Variants in MROH9 observed in about 807,000 individuals in gnomAD.
The protein encoded by MROH9 is maestro heat-like repeat-containing protein family member 9.
A neutral mutation model predicts 98.2 loss-of-function variants in MROH9; 92 were observed. That is an observed-to-expected ratio of 0.94 (90% CI 0.79 to 1.11). The LOEUF is 1.11. Ranked by LOEUF, MROH9 falls within the 50% of genes most tolerant of loss-of-function variation. MROH9 has a pLI of 0.00. For synonymous variants in MROH9, 397 were observed against 368.9 expected, an observed-to-expected ratio of 1.08 and a Z score of -0.87; for missense variants, 1,057 against 1,014.8, an observed-to-expected ratio of 1.04 and a Z score of -0.57.
intron 7 of MROH9, among the ~76,000 whole-genome samples, chr1:170,967,812 C>T (rs1250735983): frequency 6.6e-6 from 1 of 152,048 alleles, no homozygotes; most frequent in Non-Finnish European, 1.5e-5. Flanking sequence ...GTAAGTTAAG[C>T]ATGTCAACTT....
chr1:170,945,677 T>A lies in MROH9; in HGVS notation c.25+96T>A. The A allele has an allele frequency of 5.7e-6, 6 of 1,049,042 alleles. No homozygotes were observed. The South Asian group carries it at 1.0e-4, about 18-fold the overall frequency. 65.0% of individuals were successfully genotyped at this position (1,049,042 alleles called of 1,614,324 possible). ...TGACAGAGAGAAACCTATACATCAT[T>A]CTGTAACCATGATAACAAAGAATGT... On this transcript the variant is annotated intron_variant, in intron 2 of 21. Transcript: ENST00000367759.
intron 2 of MROH9, among the ~76,000 whole-genome samples, 158 bp downstream of exon 2, chr1:170,945,739 A>G (rs1462878758): frequency 2.6e-5 from 4 of 152,118 alleles, no homozygotes; most frequent in Non-Finnish European, 5.9e-5. Context: ...CGTTCACAAA[A>G]GTAACCATAT....
chr1:170,971,821 C>T lies in MROH9; in HGVS notation c.554C>T (p.Ser185Leu), dbSNP rs762349781. 39 of 1,614,014 alleles carry T rather than the reference C, an allele frequency of 2.4e-5. No individual in the cohort carries two copies. Among genetic ancestry groups the T allele is most frequent in the South Asian group, 1.2e-4 (11 of 91,072 alleles). Reference sequence around the variant, plus strand: ...CTTTTGTGTTCCCATGAAGATCCCTCGATTGTAAAACAAGCATCATTGGGA... The same window carrying T: ...CTTTTGTGTTCCCATGAAGATCCCTTGATTGTAAAACAAGCATCATTGGGA... The part of the protein sequence containing the change: ...LSLLCSHEDP[S>L]IVKQASLGMC... The change falls in exon 8 of 22, where the codon TCG becomes TTG. Residue 185 changes from serine (S) to leucine (L), a missense_variant. Transcript: ENST00000367759.
chr1:171,053,393 A>G (rs1044951674), intron 20 of MROH9, among the ~76,000 whole-genome samples: 11 of 152,230 alleles, frequency 7.2e-5, no homozygotes, highest in African/African-American at 2.7e-4. Context: ...CAGGAAATAG[A>G]CCAGCCCTCA....
Position 170,989,851 on chromosome 1 carries a change from C to T in MROH9, c.880-4C>T. On this transcript the variant is annotated splice_region_variant and splice_polypyrimidine_tract_variant and intron_variant, in intron 10 of 21. Coordinates refer to ENST00000367759, the MANE Select transcript of MROH9 (RefSeq NM_001163629.2). Reference sequence around the variant, plus strand: ...CTTGTTTACCTGTGGAATTTCTCTTCCAGGTGTCTAAGATCGTGGATGCTA... The same window carrying T: ...CTTGTTTACCTGTGGAATTTCTCTTTCAGGTGTCTAAGATCGTGGATGCTA... 1.3e-6 allele frequency: 2 copies of T among 1,591,120 alleles called. No individual in the cohort carries two copies. Among genetic ancestry groups the T allele is most frequent in the South Asian group, 2.2e-5 (2 of 89,202 alleles).
intron 20 of MROH9, among the ~76,000 whole-genome samples, chr1:171,028,782 T>C (rs1214571619): frequency 3.3e-5 from 5 of 152,192 alleles, no homozygotes; most frequent in Admixed American, 2.6e-4. Flanking sequence ...ATTTTCTTCG[T>C]AGCGATTATG....
chr1:170,942,908 G>A (rs1014858959), intron 1 of MROH9, among the ~76,000 whole-genome samples: 8 of 152,130 alleles, frequency 5.3e-5, no homozygotes, highest in Non-Finnish European at 1.2e-4. Flanking sequence ...GGCCAATTCT[G>A]CAGTAGCTCT....
At chr1:170,961,342 A>G (rs920525472) in intron 5 of MROH9, among the ~76,000 whole-genome samples, 2 of 152,210 alleles carry the variant, frequency 1.3e-5, no homozygotes, top group South Asian at 2.1e-4. Flanking sequence ...CACCATTAGA[A>G]TAGGAAATAA....
intron 15 of MROH9, among the ~76,000 whole-genome samples, chr1:171,005,017 G>A (rs61816057): frequency 0.06 from 9,129 of 151,852 alleles, 359 homozygotes; most frequent in Non-Finnish European, 0.088. Flanking sequence ...CAAGCCATTG[G>A]AATTTTGATG....
chr1:170,961,279 G>A (rs191815530), intron 5 of MROH9, among the ~76,000 whole-genome samples: 39 of 152,238 alleles, frequency 2.6e-4, no homozygotes, highest in Non-Finnish European at 1.5e-5. Flanking sequence ...TCTATAAACA[G>A]CTAAGGCAAG....
chr1:171,014,315 T>A (rs1652258958), intron 16 of MROH9, 61 bp downstream of exon 16: 1 of 1,428,356 alleles, frequency 7.0e-7, no homozygotes, highest in African/African-American at 1.4e-5. Context: ...GATTTTGATG[T>A]CACTTAACAT....
At chr1:171,026,945 G>A (rs1046914163) in intron 20 of MROH9, among the ~76,000 whole-genome samples, 3 of 152,158 alleles carry the variant, frequency 2.0e-5, no homozygotes, top group East Asian at 3.9e-4. Flanking sequence ...AAGAAAAAAC[G>A]TATATCACCA....
chr1:170,994,692 T>C (rs1450661070), intron 12 of MROH9, among the ~76,000 whole-genome samples: 1 of 152,150 alleles, frequency 6.6e-6, no homozygotes, highest in Non-Finnish European at 1.5e-5. Flanking sequence ...ATCTTATTTA[T>C]TCTTTCTAAC....
At chr1:170,987,028 G>A (rs566584892) in intron 10 of MROH9, among the ~76,000 whole-genome samples, 295 of 149,204 alleles carry the variant, frequency 2.0e-3, no homozygotes, top group Admixed American at 3.8e-3. Context: ...TTTTTTAAAC[G>A]AATTTTTGTA....
chr1:171,022,471 C>T (rs1465098260), intron 17 of MROH9, among the ~76,000 whole-genome samples: 1 of 152,110 alleles, frequency 6.6e-6, no homozygotes, highest in Non-Finnish European at 1.5e-5. Context: ...AGCTGGAAGC[C>T]ATCATTCTCA....
chr1:170,996,109 T>C (rs1651556532), intron 13 of MROH9, among the ~76,000 whole-genome samples: 1 of 152,134 alleles, frequency 6.6e-6, no homozygotes, highest in African/African-American at 2.4e-5. Flanking sequence ...CTGTCTACTA[T>C]TTGCCCTATT....
chr1:170,998,525 C>T, intron 15 of MROH9: 1 of 1,430,250 alleles, frequency 7.0e-7, no homozygotes. Flanking sequence ...TGTACAAAAA[C>T]TAATTATTTT....
chr1:171,039,485 G>C (rs1025432404), intron 20 of MROH9, among the ~76,000 whole-genome samples: 4 of 152,056 alleles, frequency 2.6e-5, no homozygotes, highest in African/African-American at 9.7e-5. Flanking sequence ...CATTCCAGTT[G>C]GTTGGAAAGA....
intron 15 of MROH9, among the ~76,000 whole-genome samples, chr1:171,009,608 TGTAA>T (rs1481143214): frequency 6.6e-6 from 1 of 152,188 alleles, no homozygotes; most frequent in Non-Finnish European, 1.5e-5. Context: ...ATATCAACAT[TGTAA>T]GTATAAACTC....
Sources: gnomAD v4.1 joint callset for allele counts (sites outside exome capture counted in the v4.1 genomes callset) on GRCh38, gnomAD v4.1.1 for gene constraint, MANE v1.5 for transcripts, NCBI Gene and HGNC (gene_info 2026-07-23, HGNC 2026-07-21) for gene names.